Variants in LRRK1 observed in about 807,000 individuals in gnomAD.
LRRK1 encodes leucine-rich repeat serine/threonine-protein kinase 1.
A neutral mutation model predicts 209.1 loss-of-function variants in LRRK1; 113 were observed. That is an observed-to-expected ratio of 0.54 (90% confidence interval 0.46 to 0.63). LRRK1 has a LOEUF of 0.63. Ranked by LOEUF, LRRK1 falls within the 30% of genes least tolerant of loss-of-function variation. LRRK1 has a pLI of 0.00. For missense variants in LRRK1, 2,284 were observed against 2,632.2 expected (o/e 0.87, Z 2.89); for synonymous variants, 1,144 against 1,099.7 (o/e 1.04, Z -0.80).
intron 2 of LRRK1, among the ~76,000 whole-genome samples, chr15:100,930,294 A>T (rs1039536687): frequency 5.3e-5 from 8 of 152,168 alleles, no homozygotes; most frequent in Non-Finnish European, 7.4e-5. Context: ...GGCCGCCGGC[A>T]ACTTTACACG....
At chr15:101,055,669 C>T (rs1434389532) in intron 27 of LRRK1, among the ~76,000 whole-genome samples, 1 of 152,112 alleles carries the variant, frequency 6.6e-6, no homozygotes, top group African/African-American at 2.4e-5. Flanking sequence ...AAGTTGAATG[C>T]CAAACCAGGA....
intron 13 of LRRK1, 82 bp from the exon 14 acceptor site, chr15:101,021,763 G>A: frequency 1.0e-6 from 1 of 975,540 alleles, no homozygotes; most frequent in South Asian, 1.5e-5. Flanking sequence ...GCTGACAGGA[G>A]CCACGTGTGT....
At chr15:100,931,150 G>A (rs762369711) in intron 2 of LRRK1, among the ~76,000 whole-genome samples, 54 of 152,298 alleles carry the variant, frequency 3.5e-4, no homozygotes, top group Admixed American at 6.5e-4. Context: ...CCCCCATGCT[G>A]CACAAAGAAG....
chr15:100,947,725 T>G (rs2042569082), intron 2 of LRRK1, among the ~76,000 whole-genome samples: 1 of 152,230 alleles, frequency 6.6e-6, no homozygotes, highest in Non-Finnish European at 1.5e-5. Context: ...CCCTAAATGT[T>G]CATCCATGAA....
At chr15:100,935,444 G>A (rs2042284167) in intron 2 of LRRK1, among the ~76,000 whole-genome samples, 1 of 152,222 alleles carries the variant, frequency 6.6e-6, no homozygotes, top group African/African-American at 2.4e-5. Flanking sequence ...AAGATGGCCT[G>A]TGCAGTTGGG....
At chr15:100,966,316 G>A (rs1000819143) in intron 2 of LRRK1, among the ~76,000 whole-genome samples, 3 of 152,172 alleles carry the variant, frequency 2.0e-5, no homozygotes, top group African/African-American at 7.2e-5. Flanking sequence ...GCGGTGAGGA[G>A]GGGCTTTTGC....
intron 29 of LRRK1, 44 bp from the exon 30 acceptor site, chr15:101,061,121 GGCAGCC>G: frequency 7.1e-7 from 1 of 1,403,204 alleles, no homozygotes; most frequent in Non-Finnish European, 1.0e-6. Flanking sequence ...AGGGAAAGGA[GGCAGCC>G]CCTGGCCCCC....
chr15:100,958,529 T>C (rs1213315673), intron 2 of LRRK1, among the ~76,000 whole-genome samples: 3 of 152,210 alleles, frequency 2.0e-5, no homozygotes, highest in East Asian at 3.8e-4. Flanking sequence ...AAGATTCCAA[T>C]ACCCACTGAC....
At chr15:101,059,373 G>T (rs1230015168) in intron 29 of LRRK1, among the ~76,000 whole-genome samples, 1 of 152,188 alleles carries the variant, frequency 6.6e-6, no homozygotes, top group Non-Finnish European at 1.5e-5. Flanking sequence ...ACTCCAGCCT[G>T]GGTGACAGAG....
At chr15:100,949,870 A>C (rs899817966) in intron 2 of LRRK1, among the ~76,000 whole-genome samples, 1 of 152,150 alleles carries the variant, frequency 6.6e-6, no homozygotes, top group Admixed American at 6.5e-5. Context: ...TCAATCTGAT[A>C]AACTGCATCT....
intron 2 of LRRK1, among the ~76,000 whole-genome samples, chr15:100,952,568 T>C (rs970638474): frequency 3.4e-4 from 52 of 152,364 alleles, no homozygotes; most frequent in African/African-American, 1.2e-3. Flanking sequence ...GGCTATCCAG[T>C]TGGACAAACA....
chr15:101,054,578 G>A (rs539913179), intron 26 of LRRK1, among the ~76,000 whole-genome samples: 2 of 152,322 alleles, frequency 1.3e-5, no homozygotes, highest in South Asian at 2.1e-4. Context: ...AGGCCCAGGC[G>A]GGCAGGTCGC....
At chr15:100,953,149 G>A (rs1393057882) in intron 2 of LRRK1, among the ~76,000 whole-genome samples, 1 of 152,010 alleles carries the variant, frequency 6.6e-6, no homozygotes, top group Admixed American at 6.6e-5. Context: ...CAACACTTAA[G>A]ATCTACTCTT....
intron 6 of LRRK1, among the ~76,000 whole-genome samples, chr15:101,005,663 A>T (rs1402689500): frequency 6.6e-6 from 1 of 152,216 alleles, no homozygotes. Context: ...AGACTGGAAG[A>T]TCTTGTTTTG....
intron 20 of LRRK1, 50 bp from the exon 21 acceptor site, chr15:101,045,931 C>G (rs1405766022): frequency 2.6e-6 from 4 of 1,523,116 alleles, no homozygotes; most frequent in Non-Finnish European, 3.6e-6. Context: ...CAGGGCCCTG[C>G]AGTGGAGCTT....
chr15:101,052,655 G>A (rs1025405171), intron 24 of LRRK1, among the ~76,000 whole-genome samples: 1 of 152,220 alleles, frequency 6.6e-6, no homozygotes, highest in African/African-American at 2.4e-5. Context: ...CACTTCTGTG[G>A]GGTTCACCCT....
chr15:101,038,826 C>T (rs527895108), intron 20 of LRRK1, among the ~76,000 whole-genome samples: 7 of 152,326 alleles, frequency 4.6e-5, no homozygotes, highest in African/African-American at 9.6e-5. Flanking sequence ...TGGCACCCTG[C>T]GCCAGTGGCC....
intron 7 of LRRK1, among the ~76,000 whole-genome samples, chr15:101,010,235 C>T (rs2033166515): frequency 6.6e-6 from 1 of 151,704 alleles, no homozygotes; most frequent in Non-Finnish European, 1.5e-5. Flanking sequence ...GAGCCAGGGC[C>T]CACCGATGAG....
At chr15:101,046,893 T>C (rs1034802494) in intron 21 of LRRK1, among the ~76,000 whole-genome samples, 8 of 152,330 alleles carry the variant, frequency 5.3e-5, no homozygotes, top group African/African-American at 1.2e-4. Context: ...GGCAGGAACA[T>C]GGAAGCAACA....
Sources: gnomAD v4.1 joint callset for allele counts (sites outside exome capture counted in the v4.1 genomes callset) on GRCh38, gnomAD v4.1.1 for gene constraint, MANE v1.5 for transcripts, NCBI Gene and HGNC (gene_info 2026-07-23, HGNC 2026-07-21) for gene names.